Variants in DLG2 observed in about 807,000 individuals in gnomAD.
The protein encoded by DLG2 is disks large homolog 2.
In DLG2, 45 loss-of-function variants were observed where a neutral mutation model predicts 132.5. The ratio of observed to expected loss-of-function variants is 0.34; its 90% CI spans 0.27 to 0.44. DLG2 has a LOEUF of 0.44. Among genes scored for constraint, DLG2 ranks in the 20% least tolerant of loss-of-function variants. The pLI is 1.00. For synonymous variants in DLG2, 424 were observed against 419.6 expected (o/e 1.01, Z -0.13); for missense variants, 1,045 against 1,196.9 (o/e 0.87, Z 1.87).
intron 7 of DLG2, among the ~76,000 whole-genome samples, chr11:84,490,094 A>G (rs1476725632): frequency 6.6e-6 from 1 of 152,206 alleles, no homozygotes; most frequent in Non-Finnish European, 1.5e-5. Context: ...GTGGTTAGCA[A>G]GAACACAAGC....
chr11:84,217,487 A>C (rs1312982917), intron 8 of DLG2, among the ~76,000 whole-genome samples: 1 of 152,180 alleles, frequency 6.6e-6, no homozygotes, highest in Admixed American at 6.5e-5. Flanking sequence ...AGCCACATGG[A>C]ACTTGTGAGT....
intron 6 of DLG2, among the ~76,000 whole-genome samples, chr11:84,573,102 G>A (rs1167485217): frequency 6.6e-6 from 1 of 152,082 alleles, no homozygotes; most frequent in African/African-American, 2.4e-5. Context: ...TAAGCCACTG[G>A]ATTTTTAGTG....
At chr11:83,687,116 G>A (rs2079933504) in intron 18 of DLG2, among the ~76,000 whole-genome samples, 1 of 152,188 alleles carries the variant, frequency 6.6e-6, no homozygotes, top group African/African-American at 2.4e-5. Flanking sequence ...CCTAGACCAG[G>A]TATTTCCCTA....
At chr11:84,594,285 G>A (rs1050832080) in intron 6 of DLG2, among the ~76,000 whole-genome samples, 21 of 152,124 alleles carry the variant, frequency 1.4e-4, no homozygotes, top group African/African-American at 3.9e-4. Flanking sequence ...CTTCTCCATT[G>A]ATGACCTCAC....
At chr11:83,689,692 T>C (rs186516329) in intron 18 of DLG2, among the ~76,000 whole-genome samples, 2 of 151,992 alleles carry the variant, frequency 1.3e-5, no homozygotes, top group African/African-American at 4.8e-5. Flanking sequence ...CCAGACTAAA[T>C]GTCAGTTTAT....
At chr11:84,901,542 TTAA>T (rs1221620248) in intron 6 of DLG2, among the ~76,000 whole-genome samples, 3 of 137,934 alleles carry the variant, frequency 2.2e-5, no homozygotes, top group African/African-American at 3.3e-5. Flanking sequence ...TTGGTGAAAG[TTAA>T]TTAATCTTAA....
intron 3 of DLG2, among the ~76,000 whole-genome samples, chr11:85,359,262 C>A (rs1206750605): frequency 6.6e-6 from 1 of 152,156 alleles, no homozygotes; most frequent in Non-Finnish European, 1.5e-5. Flanking sequence ...TGGAAGCAAT[C>A]CGCTTCATTC....
intron 6 of DLG2, among the ~76,000 whole-genome samples, chr11:85,031,318 T>G (rs1173480473): frequency 6.6e-6 from 1 of 152,122 alleles, no homozygotes; most frequent in African/African-American, 2.4e-5. Flanking sequence ...TGTCATTGGT[T>G]TTAGGTATAT....
chr11:85,351,579 C>T (rs1459548530), intron 3 of DLG2, among the ~76,000 whole-genome samples: 1 of 152,130 alleles, frequency 6.6e-6, no homozygotes, highest in Non-Finnish European at 1.5e-5. Flanking sequence ...TTTTGAGATA[C>T]GTTCCATCAG....
At chr11:84,834,258 A>G (rs2079418701) in intron 6 of DLG2, among the ~76,000 whole-genome samples, 1 of 151,642 alleles carries the variant, frequency 6.6e-6, no homozygotes, top group Middle Eastern at 3.2e-3. Flanking sequence ...TGAAAACTCA[A>G]TAAAGCTAAG....
chr11:84,980,147 T>C (rs1255481843), intron 6 of DLG2, among the ~76,000 whole-genome samples: 3 of 152,222 alleles, frequency 2.0e-5, no homozygotes, highest in East Asian at 1.9e-4. Context: ...AAGTAGTCAG[T>C]TGTAATACTT....
intron 4 of DLG2, among the ~76,000 whole-genome samples, chr11:85,191,143 T>TGCGCGCGC (rs201015532): frequency 7.1e-6 from 1 of 141,216 alleles, no homozygotes; most frequent in African/African-American, 2.7e-5. Flanking sequence ...TCTATATGCA[T>TGCGCGCGC]GCGCGCGCGC....
At chr11:85,060,579 C>T (rs141355383) in intron 6 of DLG2, among the ~76,000 whole-genome samples, 48 of 151,130 alleles carry the variant, frequency 3.2e-4, no homozygotes, top group African/African-American at 1.0e-3. Context: ...CCCAACACCC[C>T]CAATGGACAT....
At chr11:85,531,206 T>G (rs1168954717) in intron 3 of DLG2, among the ~76,000 whole-genome samples, 1 of 152,194 alleles carries the variant, frequency 6.6e-6, no homozygotes, top group Non-Finnish European at 1.5e-5. Flanking sequence ...AAACAATAAT[T>G]GTAAAATGAT....
chr11:85,337,554 C>T (rs1352355027), intron 3 of DLG2, among the ~76,000 whole-genome samples: 1 of 152,124 alleles, frequency 6.6e-6, no homozygotes, highest in African/African-American at 2.4e-5. Context: ...ACATTTTTAG[C>T]AAACATCTTA....
chr11:83,586,540 A>G (rs2097090191), intron 19 of DLG2, among the ~76,000 whole-genome samples: 1 of 152,208 alleles, frequency 6.6e-6, no homozygotes, highest in African/African-American at 2.4e-5. Context: ...CTTTAAAACT[A>G]TCATTTTCTT....
In DLG2 at chr11:85,078,173, G is replaced by C. The variant is rs143301016; in HGVS notation, c.357+33488C>G. On this transcript the variant is annotated intron_variant, in intron 6 of 27. Coordinates refer to ENST00000376104, the MANE Select transcript of DLG2 (RefSeq NM_001142699.3). ...GTCCTCATAAAGCCTACTCTATTGG[G>C]GGAAATAAACAGGTAAGTTAATATC... 3.1e-3 allele frequency among the ~76,000 whole-genome samples: 470 copies of C among 149,366 alleles called. 3 individuals carry two copies. Among genetic ancestry groups the C allele is most frequent in the African/African-American group, 0.011 (444 of 40,466 alleles).
chr11:84,481,770 T>C (rs997029766), intron 7 of DLG2, among the ~76,000 whole-genome samples: 1 of 152,198 alleles, frequency 6.6e-6, no homozygotes, highest in African/African-American at 2.4e-5. Flanking sequence ...TATGTTTCTC[T>C]TTCCCCCATG....
chr11:85,458,807 A>G (rs1365703232), intron 3 of DLG2, among the ~76,000 whole-genome samples: 1 of 152,196 alleles, frequency 6.6e-6, no homozygotes, highest in African/African-American at 2.4e-5. Flanking sequence ...GATTGCAGCC[A>G]TGCTTCTTCT....
Sources: gnomAD v4.1 joint callset for allele counts (sites outside exome capture counted in the v4.1 genomes callset) on GRCh38, gnomAD v4.1.1 for gene constraint, MANE v1.5 for transcripts, NCBI Gene and HGNC (gene_info 2026-07-23, HGNC 2026-07-21) for gene names.